The following COG5 variants were observed in gnomAD, a reference collection of about 807,000 sequenced individuals.
COG5 encodes conserved oligomeric Golgi complex subunit 5.
A neutral mutation model predicts 110.4 loss-of-function variants in COG5; 86 were observed. That is an observed-to-expected ratio of 0.78 (90% CI 0.65 to 0.93). The LOEUF (loss-of-function observed/expected upper bound fraction) is 0.93. Among genes scored for constraint, COG5 ranks in the 40% least tolerant of loss-of-function variants. The pLI, the probability that COG5 is intolerant of heterozygous loss-of-function variation, is 0.00. For synonymous variants in COG5, 360 were observed against 334.6 expected (o/e 1.08, Z -0.83); for missense variants, 1,077 against 987.0 (o/e 1.09, Z -1.22).
At chr7:107,420,992 T>C (rs2129073059) in intron 6 of COG5, among the ~76,000 whole-genome samples, 1 of 152,322 alleles carries the variant, frequency 6.6e-6, no homozygotes, top group South Asian at 2.1e-4. Context: ...ACCTTACTAT[T>C]AAAAATGAGA....
At chr7:107,546,047 C>G (rs1802415161) in intron 5 of COG5, among the ~76,000 whole-genome samples, 1 of 151,938 alleles carries the variant, frequency 6.6e-6, no homozygotes, top group Non-Finnish European at 1.5e-5. Flanking sequence ...TGGTATTAAA[C>G]TAGAAATCAA....
At chr7:107,315,644 A>G (rs778079759) in intron 11 of COG5, among the ~76,000 whole-genome samples, 33 of 151,994 alleles carry the variant, frequency 2.2e-4, no homozygotes, top group Admixed American at 8.5e-4. Context: ...TCCTTTAGAT[A>G]TACTTTGCCA....
intron 19 of COG5, among the ~76,000 whole-genome samples, chr7:107,222,906 T>C (rs1800047830): frequency 6.6e-6 from 1 of 152,086 alleles, no homozygotes; most frequent in African/African-American, 2.4e-5. Flanking sequence ...AAAAACTGCA[T>C]TTCTACTCAG....
chr7:107,303,073 T>C (rs980383831), intron 11 of COG5, among the ~76,000 whole-genome samples: 2 of 152,116 alleles, frequency 1.3e-5, no homozygotes, highest in African/African-American at 2.4e-5. Context: ...ATTTCTTAAA[T>C]AATAGAATGA....
chr7:107,243,062 GACAAA>G (rs1342820844), intron 17 of COG5, among the ~76,000 whole-genome samples: 1 of 152,118 alleles, frequency 6.6e-6, no homozygotes, highest in Non-Finnish European at 1.5e-5. Context: ...CCTAATTTCA[GACAAA>G]ACAAATTTCA....
chr7:107,297,443 CTTTTT>C (rs71314693), intron 12 of COG5, among the ~76,000 whole-genome samples: 52 of 77,980 alleles, frequency 6.7e-4, no homozygotes, highest in Admixed American at 6.6e-3. Flanking sequence ...TACATTCTGC[CTTTTT>C]TTTTTTTTTT....
At chr7:107,403,591 G>A (rs1584778620) in intron 7 of COG5, among the ~76,000 whole-genome samples, 1 of 149,570 alleles carries the variant, frequency 6.7e-6, no homozygotes, top group Non-Finnish European at 1.5e-5. Context: ...CCCTGACAAC[G>A]GACACCTTTT....
intron 18 of COG5, among the ~76,000 whole-genome samples, chr7:107,231,954 T>C (rs985911253): frequency 2.0e-5 from 3 of 152,240 alleles, no homozygotes; most frequent in African/African-American, 7.2e-5. Flanking sequence ...TAATGATTCT[T>C]ATTAAGCAAA....
chr7:107,378,475 C>T lies in COG5; in HGVS notation c.670-5715G>A, dbSNP rs186998472. On this transcript the variant is annotated intron_variant, in intron 7 of 21. Transcript: ENST00000297135. Reference sequence around the variant, plus strand: ...GAAGGTGGGTAATAACAAACTCCTCCGAGCTAAAGGAGCATGTTCTAACCC... The same window carrying T: ...GAAGGTGGGTAATAACAAACTCCTCTGAGCTAAAGGAGCATGTTCTAACCC... 2.9e-4 allele frequency among the ~76,000 whole-genome samples: 44 copies of T among 152,152 alleles called. No individual in the cohort carries two copies. In the East Asian group the frequency reaches 6.0e-3, roughly 21 times the overall value.
chr7:107,465,474 C>G (rs997021228), intron 6 of COG5, among the ~76,000 whole-genome samples: 1 of 152,090 alleles, frequency 6.6e-6, no homozygotes, highest in African/African-American at 2.4e-5. Context: ...AGTAGAGATA[C>G]TATGTTCATA....
At chr7:107,363,028 T>C (rs1029175399) in intron 8 of COG5, among the ~76,000 whole-genome samples, 3 of 152,130 alleles carry the variant, frequency 2.0e-5, no homozygotes, top group Non-Finnish European at 4.4e-5. Context: ...TTGCTGGATG[T>C]GGTATTGAAG....
At chr7:107,455,679 G>C (rs1031066599) in intron 6 of COG5, among the ~76,000 whole-genome samples, 2 of 152,012 alleles carry the variant, frequency 1.3e-5, no homozygotes, top group Non-Finnish European at 2.9e-5. Flanking sequence ...AATGACTAGA[G>C]ATCATAGGGC....
rs749139244 is a variant in COG5, at chr7:107,283,769, T to C, written c.1314-37A>G. ...AAATTTTTTAAAAACTAACTTAAAT[T>C]GCACAGAGCTAAATGCTATTGTATC... On this transcript the variant is annotated intron_variant, in intron 12 of 21. Coordinates refer to ENST00000297135, the MANE Select transcript of COG5 (RefSeq NM_006348.5). 6 of 1,487,792 alleles carry C rather than the reference T, an allele frequency of 4.0e-6. No individual in the cohort carries two copies. The African/African-American group carries it at 4.1e-5, about 10-fold the overall frequency. 92.2% of individuals were successfully genotyped at this position (1,487,792 alleles called of 1,614,324 possible). A position where few individuals can be genotyped will look rare whatever the true frequency, so the allele number is the denominator to read the frequency against.
intron 18 of COG5, among the ~76,000 whole-genome samples, 155 bp downstream of exon 18, chr7:107,236,295 C>T (rs975270717): frequency 7.3e-6 from 1 of 136,120 alleles, no homozygotes; most frequent in Non-Finnish European, 1.6e-5. Flanking sequence ...TATCTTTAAA[C>T]TCTCCCTTTT....
intron 19 of COG5, among the ~76,000 whole-genome samples, chr7:107,222,225 A>G (rs1799986871): frequency 2.0e-5 from 3 of 149,732 alleles, no homozygotes. Context: ...TTTGAGATGG[A>G]GTCTCGCTCT....
chr7:107,281,267 C>T (rs1382712548), intron 14 of COG5, 33 bp downstream of exon 14: 2 of 1,344,480 alleles, frequency 1.5e-6, no homozygotes, highest in Non-Finnish European at 2.1e-6. Context: ...TAAATAAAAT[C>T]ATTAAAGTTT....
At chr7:107,389,096 C>T (rs1389088251) in intron 7 of COG5, among the ~76,000 whole-genome samples, 1 of 152,218 alleles carries the variant, frequency 6.6e-6, no homozygotes, top group African/African-American at 2.4e-5. Context: ...GTACCTGCTA[C>T]ACTCTATTGG....
At chr7:107,240,436 A>C (rs1562928683) in intron 17 of COG5, among the ~76,000 whole-genome samples, 1 of 152,062 alleles carries the variant, frequency 6.6e-6, no homozygotes, top group Non-Finnish European at 1.5e-5. Flanking sequence ...GGCTGGTCTC[A>C]AACTCCTGAC....
At chr7:107,281,629 C>G (rs1422225483) in intron 13 of COG5, among the ~76,000 whole-genome samples, 1 of 152,046 alleles carries the variant, frequency 6.6e-6, no homozygotes, top group Non-Finnish European at 1.5e-5. Flanking sequence ...AAAAGCATGT[C>G]ATATGTGGGT....
Sources: allele counts gnomAD v4.1 joint callset (sites outside exome capture counted in the v4.1 genomes callset), GRCh38; gene constraint gnomAD v4.1.1; transcripts MANE v1.5; gene names NCBI Gene and HGNC (gene_info 2026-07-23, HGNC 2026-07-21).